The following MYH15 variants were observed in gnomAD, a reference collection of about 807,000 sequenced individuals.
The protein encoded by MYH15 is myosin heavy chain 15.
Under a neutral mutation model 240.5 loss-of-function variants are expected in MYH15, and 227 were observed. The observed-to-expected ratio is 0.94, with a 90% CI of 0.85 to 1.05. The LOEUF is 1.05. Among genes scored for constraint, MYH15 ranks in the 50% least tolerant of loss-of-function variants. The pLI is 0.00. For synonymous variants in MYH15, 785 were observed against 796.7 expected (o/e 0.99, Z 0.25); for missense variants, 2,217 against 2,247.5 (o/e 0.99, Z 0.27).
intron 12 of MYH15, among the ~76,000 whole-genome samples, chr3:108,471,278 C>T (rs2083174426): frequency 6.6e-6 from 1 of 152,052 alleles, no homozygotes; most frequent in Non-Finnish European, 1.5e-5. Context: ...TGTCCCAAAG[C>T]CTTGCTATTC....
At chr3:108,511,667 C>T (rs533038180), upstream of MYH15, among the ~76,000 whole-genome samples, 1 of 152,318 alleles carries the variant, frequency 6.6e-6, no homozygotes, top group South Asian at 2.1e-4. Context: ...GCAAGTGTTA[C>T]TCATCACATT....
intron 11 of MYH15, among the ~76,000 whole-genome samples, chr3:108,483,399 C>A (rs2083281879): frequency 6.7e-6 from 1 of 150,244 alleles, no homozygotes; most frequent in African/African-American, 2.4e-5. Flanking sequence ...ACTTTATACC[C>A]ATGAAGATGG....
At chr3:108,519,430 C>T (rs890546837) in intron 1 of MYH15, among the ~76,000 whole-genome samples, 1 of 152,106 alleles carries the variant, frequency 6.6e-6, no homozygotes, top group Non-Finnish European at 1.5e-5. Context: ...TGGCTCATTG[C>T]TCCATATTTT....
intron 11 of MYH15, among the ~76,000 whole-genome samples, chr3:108,481,230 T>A (rs567174235): frequency 3.3e-5 from 5 of 152,364 alleles, no homozygotes; most frequent in Non-Finnish European, 7.3e-5. Context: ...AAGTTATATG[T>A]GCATATTCAA....
chr3:108,490,413 G>A (rs1380130362), intron 9 of MYH15, among the ~76,000 whole-genome samples: 4 of 152,180 alleles, frequency 2.6e-5, no homozygotes, highest in Non-Finnish European at 4.4e-5. Flanking sequence ...TTCTGTGGGA[G>A]CATTGTTGTC....
chr3:108,474,031 G>A (rs753948062), intron 12 of MYH15, among the ~76,000 whole-genome samples: 13 of 152,172 alleles, frequency 8.5e-5, no homozygotes, highest in Non-Finnish European at 1.5e-4. Context: ...ACTTCACTGT[G>A]GGGCTCAGAG....
At chr3:108,431,313 T>C (rs1044854661) in intron 25 of MYH15, among the ~76,000 whole-genome samples, 3 of 152,242 alleles carry the variant, frequency 2.0e-5, no homozygotes, top group African/African-American at 7.2e-5. Context: ...CCGAATCTCA[T>C]CTTGAATTTC....
At chr3:108,389,656 C>G (rs2082409392) in intron 37 of MYH15, among the ~76,000 whole-genome samples, 1 of 152,190 alleles carries the variant, frequency 6.6e-6, no homozygotes, top group African/African-American at 2.4e-5. Flanking sequence ...AAAATCTCTT[C>G]CCTGAATTAG....
At chr3:108,513,539 CTA>C (rs2083536577), upstream of MYH15, among the ~76,000 whole-genome samples, 1 of 152,170 alleles carries the variant, frequency 6.6e-6, no homozygotes, top group African/African-American at 2.4e-5. Context: ...AATCACATAA[CTA>C]TGCTCAGAAG....
intron 2 of MYH15, among the ~76,000 whole-genome samples, chr3:108,503,184 CTCTTCTT>C (rs2083451143): frequency 6.6e-6 from 1 of 152,146 alleles, no homozygotes; most frequent in Non-Finnish European, 1.5e-5. Flanking sequence ...CACCTTCAGA[CTCTTCTT>C]TCTACCTGCA....
At chr3:108,546,689 CCTT>C in the MYH15 span, among the ~76,000 whole-genome samples, 1 of 152,066 alleles carries the variant, frequency 6.6e-6, no homozygotes, top group African/African-American at 2.4e-5. Flanking sequence ...GAAGCTTACT[CCTT>C]CTTGCATTTA....
chr3:108,382,257 C>G (rs1326811666), intron 40 of MYH15, among the ~76,000 whole-genome samples: 2 of 152,106 alleles, frequency 1.3e-5, no homozygotes, highest in Non-Finnish European at 2.9e-5. Context: ...CTTAATTGCC[C>G]CTCTCGCATA....
rs2083357858 is a variant in MYH15 at position 108,492,493 on chromosome 3, C to T, written c.871+7G>A. 6.3e-7 allele frequency: 1 copy of T among 1,596,212 alleles called. No individual in the cohort carries two copies. Among genetic ancestry groups the T allele is most frequent in the Non-Finnish European group, 8.6e-7 (1 of 1,164,478 alleles). ...AATAACCCTAAGCTCCAGAATCCTA[C>T]ACTTACCATGAAGCTCTTTTTGTCC... On this transcript the variant is annotated splice_region_variant and intron_variant, in intron 9 of 40. Transcript: ENST00000693548.
chr3:108,477,038 T>C lies in MYH15; in HGVS notation c.1115-523A>G, dbSNP rs145609143. Among the ~76,000 whole-genome samples the C allele has an allele frequency of 7.2e-4, 110 of 152,326 alleles. 1 individual carries two copies. In the East Asian group the frequency reaches 0.019, roughly 27 times the overall value. On this transcript the variant is annotated intron_variant, in intron 11 of 40. Transcript: ENST00000693548. ...TTGTACACAAATGTTTCTAGCAGCA[T>C]TATTCACAATAGTCAAAAGGTGGGA...
At chr3:108,476,934 T>A (rs976743692) in intron 11 of MYH15, among the ~76,000 whole-genome samples, 1 of 152,140 alleles carries the variant, frequency 6.6e-6, no homozygotes, top group African/African-American at 2.4e-5. Context: ...AAGTTAATCA[T>A]AGAGTTACTA....
chr3:108,526,997 A>G (rs979415383), intron 1 of MYH15, among the ~76,000 whole-genome samples: 1 of 152,176 alleles, frequency 6.6e-6, no homozygotes, highest in Non-Finnish European at 1.5e-5. Context: ...TTCTAGTTGT[A>G]GAGCTCAAAA....
At position 108,400,245 on chromosome 3, in the gene MYH15, C is replaced by T. The variant is rs536825656; in HGVS notation, c.4737-978G>A. ...GTTATTGACCGACTCTTCATCCTAC[C>T]TCACAATGGCCTCAAACATAGGCAA... On this transcript the variant is annotated intron_variant, in intron 33 of 40. Coordinates refer to ENST00000693548, the MANE Select transcript of MYH15 (RefSeq NM_014981.3). 2.0e-5 allele frequency among the ~76,000 whole-genome samples: 3 copies of T among 152,270 alleles called. No individual in the cohort carries two copies. The East Asian group carries it at 5.8e-4, about 29-fold the overall frequency.
At chr3:108,511,007 T>C (rs1021524233), upstream of MYH15, among the ~76,000 whole-genome samples, 2 of 152,082 alleles carry the variant, frequency 1.3e-5, no homozygotes, top group African/African-American at 2.4e-5. Flanking sequence ...AAGACAGAAG[T>C]GCCTGTAGTC....
intron 19 of MYH15, 42 bp downstream of exon 19, chr3:108,456,724 T>G (rs369349343): frequency 5.6e-6 from 8 of 1,417,268 alleles, no homozygotes; most frequent in Non-Finnish European, 7.0e-6. Flanking sequence ...GAAAACAGAA[T>G]GAACTGCCTC....
Sources: allele counts gnomAD v4.1 joint callset (sites outside exome capture counted in the v4.1 genomes callset), GRCh38; gene constraint gnomAD v4.1.1; transcripts MANE v1.5; gene names NCBI Gene and HGNC (gene_info 2026-07-23, HGNC 2026-07-21).